The following CELSR1 variants were observed in gnomAD, a reference collection of about 807,000 sequenced individuals.
CELSR1 encodes adhesion G protein-coupled receptor C1.
CELSR1 carries 110 observed loss-of-function variants against 249.1 expected under a neutral mutation model. The observed-to-expected ratio is 0.44, with a 90% CI of 0.38 to 0.52. CELSR1 has a LOEUF of 0.52. Among genes scored for constraint, CELSR1 ranks in the 20% least tolerant of loss-of-function variants. CELSR1 has a pLI of 0.00. For missense variants in CELSR1, 4,109 were observed against 4,296.4 expected (o/e 0.96, Z 1.22); for synonymous variants, 2,113 against 1,900.0 (o/e 1.11, Z -2.92).
intron 1 of CELSR1, among the ~76,000 whole-genome samples, chr22:46,524,464 CGGTGTGTCGGGCGGCTGGAAGGAAA>C (rs1024176568): frequency 6.6e-6 from 1 of 152,086 alleles, no homozygotes; most frequent in Non-Finnish European, 1.5e-5. Flanking sequence ...GGGGCGAAGT[CGGTGTGTCGGGCGGCTGGAAGGAAA>C]GGTGTTACCC....
At chr22:46,382,886 T>TG (rs1011516971) in intron 20 of CELSR1, among the ~76,000 whole-genome samples, 8 of 152,128 alleles carry the variant, frequency 5.3e-5, no homozygotes, top group Non-Finnish European at 1.2e-4. Flanking sequence ...CACCAGGGGC[T>TG]GGGGAGGAGA....
In CELSR1 at chr22:46,377,219, C is replaced by G; in HGVS notation, c.7426G>C (p.Val2476Leu). 1 of 1,614,022 alleles carries G rather than the reference C, an allele frequency of 6.2e-7. No individual in the cohort carries two copies. Among genetic ancestry groups the G allele is most frequent in the Middle Eastern group, 1.6e-4 (1 of 6,062 alleles). Residue 2476 changes from valine to leucine, a missense_variant, in exon 24 of 35, where the codon GTG becomes CTG. Coordinates refer to ENST00000674500, the MANE Select transcript of CELSR1 (RefSeq NM_001378328.1). ...LPLKIVTYAA[V>L]SLSLAALLVA... ...AGCAGGGCTGCCAGTGACAAGGACA[C>G]AGCGGCATAGGTGACAATCTTCAGA... is the stretch of plus-strand genomic sequence containing the variant.
intron 32 of CELSR1, 22 bp downstream of exon 32, chr22:46,365,209 C>T: frequency 6.2e-7 from 1 of 1,607,194 alleles, no homozygotes; most frequent in Non-Finnish European, 8.5e-7. Flanking sequence ...CCAGCCTGGC[C>T]CAATGTGCCC....
rs10212066 is a variant in CELSR1, at chr22:46,374,478, T to C, written c.7585-1421A>G. ...AGAGATGAAAAACCTCGCCCAGAGATAGGATTGTGGGTTTACAAAAAAACC... is the reference window on the plus strand; with the variant it reads ...AGAGATGAAAAACCTCGCCCAGAGACAGGATTGTGGGTTTACAAAAAAACC... On this transcript the variant is annotated intron_variant, in intron 24 of 34. Transcript: ENST00000674500. The surrounding 1 kb of genome is among the most constrained non-coding windows in gnomAD (Gnocchi z 4.3). Among the ~76,000 whole-genome samples, 1,168 of 152,164 alleles carry C rather than the reference T, an allele frequency of 7.7e-3. 12 individuals are homozygous for C. The highest frequency in any genetic ancestry group is 0.026 in the African/African-American group (1,061 of 41,510).
intron 5 of CELSR1, among the ~76,000 whole-genome samples, chr22:46,424,234 AT>A (rs3056341): frequency 1.8e-4 from 26 of 148,224 alleles, no homozygotes; most frequent in South Asian, 2.2e-4. Context: ...CACCCGGCTA[AT>A]TTTTTTTTTT....
intron 27 of CELSR1, 40 bp downstream of exon 27, chr22:46,369,139 C>T: frequency 6.2e-7 from 1 of 1,601,364 alleles, no homozygotes; most frequent in Non-Finnish European, 8.6e-7. Flanking sequence ...TCTCAGGGCC[C>T]AGCCGACATG....
chr22:46,443,659 T>TCA (rs3056344), intron 2 of CELSR1, among the ~76,000 whole-genome samples: 1 of 151,604 alleles, frequency 6.6e-6, no homozygotes, highest in East Asian at 1.9e-4. Context: ...ATACACCTGT[T>TCA]CACACACACA....
At chr22:46,531,850 G>T in intron 1 of CELSR1, among the ~76,000 whole-genome samples, 1 of 152,238 alleles carries the variant, frequency 6.6e-6, no homozygotes, top group East Asian at 1.9e-4. Flanking sequence ...TGTTGGGGCG[G>T]TGGTGGTCTG....
Position 46,439,201 on chromosome 22 carries a change from G to A in CELSR1, c.4394C>T (p.Thr1465Ile). The A allele has an allele frequency of 6.2e-7, 1 of 1,613,372 alleles. No individual in the cohort carries two copies. Among genetic ancestry groups the A allele is most frequent in the Non-Finnish European group, 8.5e-7 (1 of 1,179,456 alleles). The change falls in exon 3 of 35, where the codon ACC becomes ATC. Residue 1465 changes from threonine (T) to isoleucine (I), a missense_variant. Physicochemically the swap from Thr to Ile is moderately conservative, Grantham distance 89 (BLOSUM62 -1). Transcript: ENST00000674500. ...FRGLRQRFHF[T>I]ISLTFATQER... ...GACGCACACTCACGTGAGGGAGATG[G>A]TGAAGTGGAAGCGCTGTCTCAGGCC...
Position 46,521,581 on chromosome 22 carries a change from T to C in CELSR1, c.3544+12046A>G, listed in dbSNP as rs535544142. The stretch of plus-strand genomic sequence containing the variant: ...CTGTAATCCCAACACTTTGGGAGGC[T>C]TGAGGCAGGCGGATCATCTGAGGTC... On this transcript the variant is annotated intron_variant, in intron 1 of 34. Coordinates refer to ENST00000674500, the MANE Select transcript of CELSR1 (RefSeq NM_001378328.1). 5.3e-5 allele frequency among the ~76,000 whole-genome samples: 8 copies of C among 151,820 alleles called. No individual in the cohort carries two copies. The South Asian group carries it at 1.7e-3, about 32-fold the overall frequency.
chr22:46,489,274 C>A (rs950499277), intron 1 of CELSR1, among the ~76,000 whole-genome samples: 2 of 151,928 alleles, frequency 1.3e-5, no homozygotes, highest in Middle Eastern at 3.2e-3. Flanking sequence ...GGCACCTTCC[C>A]CCTGGCTCAG....
At position 46,447,968 on chromosome 22, in the gene CELSR1, C is replaced by T. The variant is rs1265170218; in HGVS notation, c.4184-8557G>A. On this transcript the variant is annotated intron_variant, in intron 2 of 34. Transcript: ENST00000674500. This position sits in a 1 kb window ranked among gnomAD's most constrained non-coding sequence, Gnocchi z 4.7. ...AGAAAAGCTCCCAGGAGCCAAGGCC[C>T]ATCCAGCCCTCATGGCCTCATGCAC... Among the ~76,000 whole-genome samples the T allele has an allele frequency of 6.6e-6, 1 of 152,218 alleles. No individual in the cohort carries two copies.
At position 46,535,215 on chromosome 22, in the gene CELSR1, G is replaced by A. The variant is rs764596226; in HGVS notation, c.1956C>T (p.His652=). The A allele has an allele frequency of 1.9e-6, 3 of 1,609,714 alleles. No homozygotes were observed. Among genetic ancestry groups the A allele is most frequent in the Non-Finnish European group, 2.5e-6 (3 of 1,179,938 alleles). The change falls in exon 1 of 35, where the codon CAC becomes CAT. Residue 652 remains histidine, a synonymous_variant. Coordinates refer to ENST00000674500, the MANE Select transcript of CELSR1 (RefSeq NM_001378328.1). The part of the protein sequence containing the change: ...CAELDREEVE[H]YSFGVEAVDH... ...CCACCGCCTCCACCCCGAAGCTGTAGTGCTCCACCTCCTCGCGGTCCAGCT... is the reference window on the plus strand; with the variant it reads ...CCACCGCCTCCACCCCGAAGCTGTAATGCTCCACCTCCTCGCGGTCCAGCT...
intron 1 of CELSR1, among the ~76,000 whole-genome samples, chr22:46,478,968 A>G (rs2080239009): frequency 6.6e-6 from 1 of 151,932 alleles, no homozygotes; most frequent in Admixed American, 6.6e-5. Context: ...GGAGTCAGGA[A>G]CGACCAGGGC....
At chr22:46,455,649 G>A (rs976467793) in intron 2 of CELSR1, among the ~76,000 whole-genome samples, 10 of 152,296 alleles carry the variant, frequency 6.6e-5, no homozygotes, top group East Asian at 1.9e-4. Flanking sequence ...TGTGCCGATC[G>A]GTTACAGCAG....
At chr22:46,438,932 G>A (rs1807585) in intron 3 of CELSR1, among the ~76,000 whole-genome samples, 128,472 of 152,096 alleles carry the variant, frequency 0.84, 54,433 homozygotes, top group East Asian at 1. Flanking sequence ...TCATTTTTGT[G>A]TTTTTAGTAG....
intron 1 of CELSR1, among the ~76,000 whole-genome samples, chr22:46,483,616 G>C (rs1177682304): frequency 6.6e-6 from 1 of 152,088 alleles, no homozygotes; most frequent in Non-Finnish European, 1.5e-5. Flanking sequence ...CCTGAGGATT[G>C]CAAGAGCTAC....
intron 17 of CELSR1, 28 bp from the exon 18 acceptor site, chr22:46,389,527 T>C (rs749768789): frequency 6.2e-7 from 1 of 1,610,480 alleles, no homozygotes; most frequent in Non-Finnish European, 8.5e-7. Flanking sequence ...TCGTGATGTG[T>C]GCAAACCCAC....
chr22:46,472,836 C>T lies in CELSR1; in HGVS notation c.3545-8491G>A, dbSNP rs1054733910. 1.3e-4 allele frequency among the ~76,000 whole-genome samples: 20 copies of T among 152,318 alleles called. No homozygotes were observed. Among genetic ancestry groups the T allele is most frequent in the Middle Eastern group, 3.4e-3 (1 of 294 alleles). On this transcript the variant is annotated intron_variant, in intron 1 of 34. Transcript: ENST00000674500. The surrounding 1 kb of genome is among the most constrained non-coding windows in gnomAD (Gnocchi z 7.0). ...CGTTGCTTGGCTCCTAGGTGCACCCCTCTGGCCTCTGCCTCTGCGCCAAGT... is the reference window on the plus strand; with the variant it reads ...CGTTGCTTGGCTCCTAGGTGCACCCTTCTGGCCTCTGCCTCTGCGCCAAGT...
Sources: gnomAD v4.1 joint callset for allele counts (sites outside exome capture counted in the v4.1 genomes callset) on GRCh38, gnomAD v4.1.1 for gene constraint, Gnocchi (gnomAD v3.1) non-coding constraint, MANE v1.5 for transcripts, NCBI Gene and HGNC (gene_info 2026-07-23, HGNC 2026-07-21) for gene names.